The following ANKFY1 variants were observed in gnomAD, a reference collection of about 807,000 sequenced individuals.
ANKFY1 encodes ankyrin repeat and FYVE domain containing 1, also known as ankyrin repeat and FYVE domain-containing protein 1.
ANKFY1 carries 47 observed loss-of-function variants against 128.3 expected under a neutral mutation model. That is an observed-to-expected ratio of 0.37 (90% CI 0.29 to 0.47). ANKFY1 has a LOEUF of 0.47. Ranked by LOEUF, ANKFY1 falls within the 20% of genes least tolerant of loss-of-function variation. The pLI, the probability that ANKFY1 is intolerant of heterozygous loss-of-function variation, is 1.00. For missense variants in ANKFY1, 1,222 were observed against 1,510.6 expected, an observed-to-expected ratio of 0.81 and a Z score of 3.17; for synonymous variants, 553 against 601.6, an observed-to-expected ratio of 0.92 and a Z score of 1.18.
intron 1 of ANKFY1, among the ~76,000 whole-genome samples, chr17:4,255,918 A>C (rs1968092288): frequency 6.6e-6 from 1 of 152,012 alleles, no homozygotes; most frequent in Admixed American, 6.5e-5. Context: ...CCCAGGTTCA[A>C]GCAATTCTTC....
intron 18 of ANKFY1, chr17:4,177,745 G>A (rs753449108): frequency 5.8e-5 from 9 of 156,254 alleles, no homozygotes; most frequent in Non-Finnish European, 8.5e-5. Context: ...GGCCTGACCC[G>A]AGCAGTCAAA....
intron 4 of ANKFY1, among the ~76,000 whole-genome samples, chr17:4,213,868 C>T (rs2060178342): frequency 6.6e-6 from 1 of 152,146 alleles, no homozygotes; most frequent in Non-Finnish European, 1.5e-5. Flanking sequence ...CCATCACACC[C>T]AGTCAACAGC....
intron 20 of ANKFY1, 44 bp from the exon 21 acceptor site, chr17:4,173,488 C>T (rs2059360149): frequency 6.3e-7 from 1 of 1,575,454 alleles, no homozygotes; most frequent in Admixed American, 1.7e-5. Context: ...GAAGCACATG[C>T]AGAAAAACCT....
chr17:4,200,730 C>CTT (rs1402346374), intron 7 of ANKFY1, among the ~76,000 whole-genome samples: 14 of 152,334 alleles, frequency 9.2e-5, no homozygotes, highest in Non-Finnish European at 8.8e-5. Flanking sequence ...ATAGGATGTG[C>CTT]TTTTGTCTTT....
At chr17:4,259,737 T>C (rs1440228619) in intron 1 of ANKFY1, among the ~76,000 whole-genome samples, 48 of 152,236 alleles carry the variant, frequency 3.2e-4, no homozygotes, top group Non-Finnish European at 1.6e-4. Flanking sequence ...CAACTTTTCT[T>C]GATGGCTAGC....
chr17:4,229,844 G>A (rs781647305), intron 3 of ANKFY1, among the ~76,000 whole-genome samples: 38 of 152,164 alleles, frequency 2.5e-4, no homozygotes, highest in Non-Finnish European at 4.9e-4. Flanking sequence ...CAGTGCCTTC[G>A]ATGAAGCCAT....
intron 7 of ANKFY1, among the ~76,000 whole-genome samples, chr17:4,197,899 G>A (rs1331454560): frequency 2.0e-5 from 3 of 152,182 alleles, no homozygotes; most frequent in Non-Finnish European, 4.4e-5. Flanking sequence ...GGAGGCCGAG[G>A]TGGGCGGATC....
At chr17:4,225,569 A>G (rs1222522738) in intron 3 of ANKFY1, among the ~76,000 whole-genome samples, 2 of 152,156 alleles carry the variant, frequency 1.3e-5, no homozygotes, top group Admixed American at 6.5e-5. Flanking sequence ...TGGCAGTGGA[A>G]CAACCCATCC....
At chr17:4,229,949 G>A (rs755760484) in intron 3 of ANKFY1, among the ~76,000 whole-genome samples, 10 of 152,186 alleles carry the variant, frequency 6.6e-5, no homozygotes, top group Non-Finnish European at 1.2e-4. Context: ...ACCTTTGCAG[G>A]GAGAAATAGC....
chr17:4,243,378 T>A lies in ANKFY1; in HGVS notation c.11-930A>T, dbSNP rs1416326344. On this transcript the variant is annotated intron_variant, in intron 1 of 24. Transcript: ENST00000341657. ...ACCGCGCCCAGCCTCTTTTTTTTTT[T>A]AAACAGATGAGGGTCTCACTATGTT... 6.6e-5 allele frequency among the ~76,000 whole-genome samples: 10 copies of A among 151,670 alleles called. No homozygotes were observed. In the East Asian group the frequency reaches 1.9e-3, roughly 29 times the overall value.
intron 11 of ANKFY1, among the ~76,000 whole-genome samples, chr17:4,186,085 T>C (rs1300583510): frequency 1.3e-5 from 2 of 152,186 alleles, no homozygotes; most frequent in Non-Finnish European, 2.9e-5. Flanking sequence ...TTCATGTTTC[T>C]CTCCATTGAC....
Position 4,170,776 on chromosome 17 carries a change from G to A in ANKFY1, c.3225C>T (p.Asn1075=). 6.2e-7 allele frequency: 1 copy of A among 1,614,144 alleles called. No individual in the cohort carries two copies. Among genetic ancestry groups the A allele is most frequent in the Non-Finnish European group, 8.5e-7 (1 of 1,179,998 alleles). The change falls in exon 23 of 25, where the codon AAC becomes AAT. Residue 1075 remains asparagine, a synonymous_variant. Transcript: ENST00000341657. ...GGTAGTTGAAGATGTTGACTCCCTGGTTGTTATTCACCCCGAGGCGAGCCC... is the reference window on the plus strand; with the variant it reads ...GGTAGTTGAAGATGTTGACTCCCTGATTGTTATTCACCCCGAGGCGAGCCC... ...RSGARLGVNN[N]QGVNIFNYQV...
chr17:4,173,522 C>A, intron 20 of ANKFY1, 78 bp from the exon 21 acceptor site: 19 of 1,367,338 alleles, frequency 1.4e-5, no homozygotes, highest in Non-Finnish European at 2.0e-5. Flanking sequence ...CCCTCACAGA[C>A]CTCTCTGTAA....
intron 5 of ANKFY1, 129 bp downstream of exon 5, chr17:4,209,691 CTATT>C: frequency 1.9e-6 from 2 of 1,032,114 alleles, no homozygotes; most frequent in South Asian, 1.7e-5. Flanking sequence ...TCTAATCAAA[CTATT>C]TATTCTTCAA....
chr17:4,258,040 A>AT (rs1194065015), intron 1 of ANKFY1, among the ~76,000 whole-genome samples: 1 of 152,236 alleles, frequency 6.6e-6, no homozygotes, highest in Non-Finnish European at 1.5e-5. Flanking sequence ...TAATGGATAA[A>AT]TTTTATTTCT....
In ANKFY1 at chr17:4,214,116, T is replaced by C. The variant is rs531337535; in HGVS notation, c.458+2867A>G. On this transcript the variant is annotated intron_variant, in intron 4 of 24. Transcript: ENST00000341657. ...TAATACACAGTATGATCTCAGGAAG[T>C]AATAACTCACATTTGCAGAGCACTT... Among the ~76,000 whole-genome samples the C allele has an allele frequency of 8.7e-4, 133 of 152,328 alleles. 4 individuals carry two copies. The South Asian group carries it at 0.027, about 31-fold the overall frequency.
intron 3 of ANKFY1, among the ~76,000 whole-genome samples, chr17:4,234,445 T>C (rs1211135475): frequency 6.6e-6 from 1 of 151,932 alleles, no homozygotes; most frequent in African/African-American, 2.4e-5. Context: ...GCTTCAATCC[T>C]ACACAAAAAA....
intron 2 of ANKFY1, among the ~76,000 whole-genome samples, chr17:4,238,826 C>T (rs575339736): frequency 1.2e-4 from 18 of 151,860 alleles, no homozygotes; most frequent in Admixed American, 7.2e-4. Context: ...GTGGCACGAC[C>T]TCAGCTCACT....
In ANKFY1 at chr17:4,173,340, C is replaced by T. The variant is rs2059356787; in HGVS notation, c.3014+14G>A. Reference sequence around the variant, plus strand: ...CCAGGCGCCGCGGGGCCTACTCGGGCCCAACGCGCTCACCTGAGATTAAAG... The same window carrying T: ...CCAGGCGCCGCGGGGCCTACTCGGGTCCAACGCGCTCACCTGAGATTAAAG... On this transcript the variant is annotated intron_variant, in intron 21 of 24. Coordinates refer to ENST00000341657, the MANE Select transcript of ANKFY1 (RefSeq NM_001330063.2). 11 of 1,613,024 alleles carry T rather than the reference C, an allele frequency of 6.8e-6. No individual in the cohort carries two copies. The highest frequency in any genetic ancestry group is 9.3e-6 in the Non-Finnish European group (11 of 1,179,390).
Sources: gnomAD v4.1 joint callset for allele counts (sites outside exome capture counted in the v4.1 genomes callset) on GRCh38, gnomAD v4.1.1 for gene constraint, MANE v1.5 for transcripts, NCBI Gene and HGNC (gene_info 2026-07-23, HGNC 2026-07-21) for gene names.